The following PCDHGC3 variants were observed in gnomAD, a reference collection of about 807,000 sequenced individuals.
PCDHGC3 encodes the protein protocadherin gamma subfamily C, 3.
A neutral mutation model predicts 59.2 loss-of-function variants in PCDHGC3; 26 were observed. That is an observed-to-expected ratio of 0.44 (90% CI 0.32 to 0.61). The LOEUF (loss-of-function observed/expected upper bound fraction) is 0.61, where lower values mean the gene tolerates loss of function less well. Ranked by LOEUF, PCDHGC3 falls within the 20% of genes least tolerant of loss-of-function variation. The pLI, the probability that PCDHGC3 is intolerant of heterozygous loss-of-function variation, is 0.05. For synonymous variants in PCDHGC3, 487 were observed against 519.7 expected (o/e 0.94, Z 0.86); for missense variants, 1,080 against 1,221.8 (o/e 0.88, Z 1.73).
At position 141,486,392 on chromosome 5, in the gene PCDHGC3, C is replaced by T; in HGVS notation, c.2430+7846C>T. ...GTCTGCCTTCAGGAACCAGTTCTCC[C>T]TGGTGACTGCTGGACCCTTGGATCG... On this transcript the variant is annotated intron_variant, in intron 1 of 3. Coordinates refer to ENST00000308177, the MANE Select transcript of PCDHGC3 (RefSeq NM_002588.4). The surrounding 1 kb of genome is among the most constrained non-coding windows in gnomAD (Gnocchi z 5.0). 1 of 1,614,170 alleles carries T rather than the reference C, an allele frequency of 6.2e-7. No individual in the cohort carries two copies. Among genetic ancestry groups the T allele is most frequent in the Non-Finnish European group, 8.5e-7 (1 of 1,180,014 alleles).
rs756658304 is a variant in PCDHGC3, at chr5:141,485,531, G to C, written c.2430+6985G>C. 6.8e-6 allele frequency: 11 copies of C among 1,614,218 alleles called. No homozygotes were observed. In the Admixed American group the frequency reaches 1.5e-4, roughly 22 times the overall value. On this transcript the variant is annotated intron_variant, in intron 1 of 3. Transcript: ENST00000308177. This position sits in a 1 kb window ranked among gnomAD's most constrained non-coding sequence, Gnocchi z 5.7. ...AGGTCCTTTGGAAATGTACCGAGCA[G>C]AGGTAGAGATCGTAGATGTGAATGA... is the stretch of plus-strand genomic sequence containing the variant.
At chr5:141,506,053 T>C (rs1486313858) in intron 3 of PCDHGC3, among the ~76,000 whole-genome samples, 1 of 152,126 alleles carries the variant, frequency 6.6e-6, no homozygotes, top group Non-Finnish European at 1.5e-5. Context: ...TCCCATAAGG[T>C]TGACTAAGGG....
At chr5:141,499,828 A>G (rs921957227) in intron 2 of PCDHGC3, among the ~76,000 whole-genome samples, 1 of 151,834 alleles carries the variant, frequency 6.6e-6, no homozygotes, top group Non-Finnish European at 1.5e-5. Context: ...CTAGGATTAC[A>G]GGTGTGCACC....
intron 2 of PCDHGC3, among the ~76,000 whole-genome samples, chr5:141,499,940 G>A (rs1158937971): frequency 4.0e-5 from 6 of 151,722 alleles, no homozygotes; most frequent in Non-Finnish European, 8.8e-5. Flanking sequence ...CACCCTCCTC[G>A]GCCTCCCAAA....
Position 141,490,920 on chromosome 5 carries a change from T to A in PCDHGC3, c.2431-3887T>A. 1.2e-6 allele frequency: 2 copies of A among 1,613,638 alleles called. No homozygotes were observed. The highest frequency in any genetic ancestry group is 1.7e-6 in the Non-Finnish European group (2 of 1,179,684). The stretch of plus-strand genomic sequence containing the variant: ...TGTTTGTCCTAGACGAGAATGATAA[T>A]GCCCCAGCTGTGCTGCACCCACGGC... On this transcript the variant is annotated intron_variant, in intron 1 of 3. Coordinates refer to ENST00000308177, the MANE Select transcript of PCDHGC3 (RefSeq NM_002588.4). This position sits in a 1 kb window ranked among gnomAD's most constrained non-coding sequence, Gnocchi z 5.4.
Position 141,489,245 on chromosome 5 carries a change from G to A in PCDHGC3, c.2431-5562G>A, listed in dbSNP as rs773391205. 3 of 1,536,634 alleles carry A rather than the reference G, an allele frequency of 2.0e-6. No homozygotes were observed. The South Asian group carries it at 3.9e-5, about 20-fold the overall frequency. On this transcript the variant is annotated intron_variant, in intron 1 of 3. Transcript: ENST00000308177. The surrounding 1 kb of genome is among the most constrained non-coding windows in gnomAD (Gnocchi z 4.5). The stretch of plus-strand genomic sequence containing the variant: ...CCACAAAGGGACTTCTGGGTCATGG[G>A]GCCCAAGACACTCCCACAGCTCGCT...
At position 141,490,545 on chromosome 5, in the gene PCDHGC3, C is replaced by T; in HGVS notation, c.2431-4262C>T. 3 of 1,614,164 alleles carry T rather than the reference C, an allele frequency of 1.9e-6. No homozygotes were observed. The highest frequency in any genetic ancestry group is 2.5e-6 in the Non-Finnish European group (3 of 1,180,018). ...GCGATGCTGGTTCACCTTCCCTACA[C>T]AAACATCTCACCATCAGGCTCAACA... On this transcript the variant is annotated intron_variant, in intron 1 of 3. Coordinates refer to ENST00000308177, the MANE Select transcript of PCDHGC3 (RefSeq NM_002588.4). The surrounding 1 kb of genome is among the most constrained non-coding windows in gnomAD (Gnocchi z 5.4).
chr5:141,482,890 G>C (rs577635020), intron 1 of PCDHGC3, among the ~76,000 whole-genome samples: 10 of 152,274 alleles, frequency 6.6e-5, no homozygotes, highest in African/African-American at 2.4e-4. Flanking sequence ...TGGCCAACAT[G>C]GTGAAACCTC....
chr5:141,476,551 C>A lies in PCDHGC3; in HGVS notation c.435C>A (p.Ser145Arg), dbSNP rs367700651. 6.2e-7 allele frequency: 1 copy of A among 1,614,196 alleles called. No individual in the cohort carries two copies. The highest frequency in any genetic ancestry group is 1.7e-5 in the Admixed American group (1 of 60,028). ...CCCAGGAAATGAAATTGGAGATTAG[C>A]GAGGCCGTGGCTCCGGGGACGCGCT... ...FPTQEMKLEISEAVAPGTRFP... is the reference protein window; with the variant it reads ...FPTQEMKLEIREAVAPGTRFP... Residue 145 changes from serine (S) to arginine (R), a missense_variant, in exon 1 of 4, where the codon AGC becomes AGA. Physicochemically the swap from Ser to Arg is moderately radical, Grantham distance 110 (BLOSUM62 -1). Transcript: ENST00000308177. This position sits in a 1 kb window ranked among gnomAD's most constrained non-coding sequence, Gnocchi z 7.6.
At chr5:141,481,210 G>A (rs1351826116) in intron 1 of PCDHGC3, among the ~76,000 whole-genome samples, 2 of 152,128 alleles carry the variant, frequency 1.3e-5, no homozygotes, top group Admixed American at 1.3e-4. Context: ...TAAAAAACAT[G>A]GTAAGGTCTC....
chr5:141,509,825 C>A (rs1057042581), intron 3 of PCDHGC3, among the ~76,000 whole-genome samples: 18 of 152,222 alleles, frequency 1.2e-4, no homozygotes, highest in African/African-American at 1.2e-4. Context: ...TCTCCATCTT[C>A]TCTCTACCTC....
Position 141,485,943 on chromosome 5 carries a change from C to A in PCDHGC3, c.2430+7397C>A, listed in dbSNP as rs750871245. The A allele has an allele frequency of 1.9e-6, 3 of 1,614,126 alleles. No individual in the cohort carries two copies. Among genetic ancestry groups the A allele is most frequent in the Non-Finnish European group, 1.7e-6 (2 of 1,180,012 alleles). ...ATTAGTGTGTTGGAGAGCGCACCAG[C>A]GGGCATGGTGCTCATCCAGCTCAAT... is the stretch of plus-strand genomic sequence containing the variant. On this transcript the variant is annotated intron_variant, in intron 1 of 3. Coordinates refer to ENST00000308177, the MANE Select transcript of PCDHGC3 (RefSeq NM_002588.4). The surrounding 1 kb of genome is among the most constrained non-coding windows in gnomAD (Gnocchi z 5.7).
chr5:141,478,217 G>A lies in PCDHGC3; in HGVS notation c.2101G>A (p.Val701Ile). ...TTATCTACTTCTTTCTCTAATCCTG[G>A]TTTCTGTGGGGTTTGTGGTCACAGT... is the stretch of plus-strand genomic sequence containing the variant. Reference protein sequence around the residue: ...TFYLLLSLILVSVGFVVTVFG... With the variant: ...TFYLLLSLILISVGFVVTVFG... The change falls in exon 1 of 4, where the codon GTT becomes ATT. Residue 701 changes from valine (V) to isoleucine (I), a missense_variant. Transcript: ENST00000308177. The A allele has an allele frequency of 2.5e-6, 4 of 1,614,094 alleles. No individual in the cohort carries two copies.
chr5:141,481,436 T>C (rs775003998), intron 1 of PCDHGC3, among the ~76,000 whole-genome samples: 5 of 152,220 alleles, frequency 3.3e-5, no homozygotes, highest in South Asian at 2.1e-4. Flanking sequence ...ATTGTATCAG[T>C]TTAGTACATG....
Position 141,476,562 on chromosome 5 carries a change from C to G in PCDHGC3, c.446C>G (p.Ala149Gly). 1 of 1,614,218 alleles carries G rather than the reference C, an allele frequency of 6.2e-7. No individual in the cohort carries two copies. The highest frequency in any genetic ancestry group is 1.1e-5 in the South Asian group (1 of 91,088). The change falls in exon 1 of 4, where the codon GCT becomes GGT. Residue 149 changes from alanine (A) to glycine (G), a missense_variant. Transcript: ENST00000308177. This position sits in a 1 kb window ranked among gnomAD's most constrained non-coding sequence, Gnocchi z 7.6. The stretch of plus-strand genomic sequence containing the variant: ...AAATTGGAGATTAGCGAGGCCGTGG[C>G]TCCGGGGACGCGCTTTCCGCTCGAG... ...EMKLEISEAVAPGTRFPLESA... is the reference protein window; with the variant it reads ...EMKLEISEAVGPGTRFPLESA...
Position 141,486,276 on chromosome 5 carries a change from T to C in PCDHGC3, c.2430+7730T>C. The C allele has an allele frequency of 1.2e-6, 2 of 1,613,980 alleles. No homozygotes were observed. The highest frequency in any genetic ancestry group is 1.7e-6 in the Non-Finnish European group (2 of 1,179,974). On this transcript the variant is annotated intron_variant, in intron 1 of 3. Coordinates refer to ENST00000308177, the MANE Select transcript of PCDHGC3 (RefSeq NM_002588.4). The surrounding 1 kb of genome is among the most constrained non-coding windows in gnomAD (Gnocchi z 5.0). ...CCCGAGAGTGCAGAACCTGGCACTG[T>C]GGTGGCACTTATCAGTGTGCAGGAT...
In PCDHGC3 at chr5:141,491,623, G is replaced by C; in HGVS notation, c.2431-3184G>C. On this transcript the variant is annotated intron_variant, in intron 1 of 3. Coordinates refer to ENST00000308177, the MANE Select transcript of PCDHGC3 (RefSeq NM_002588.4). The surrounding 1 kb of genome is among the most constrained non-coding windows in gnomAD (Gnocchi z 6.9). ...CTTCACTTTTCTAAGACCCCTCAGC[G>C]TTCAGCAGCCCACAGCTCTGGCGCT... 1 of 1,613,930 alleles carries C rather than the reference G, an allele frequency of 6.2e-7. No individual in the cohort carries two copies. Among genetic ancestry groups the C allele is most frequent in the Non-Finnish European group, 8.5e-7 (1 of 1,180,020 alleles).
Position 141,511,256 on chromosome 5 carries a change from TTCAGGGC to T in PCDHGC3, c.*85_*91del. 6.4e-7 allele frequency: 1 copy of T among 1,563,506 alleles called. No individual in the cohort carries two copies. Among genetic ancestry groups the T allele is most frequent in the Non-Finnish European group, 8.7e-7 (1 of 1,154,422 alleles). The stretch of plus-strand genomic sequence containing the variant: ...CTTACCTGCACCCAGGCCTCAGAGT[TTCAGGGC>T]TAACCCCCAGAATACTGGTAGGGGC... On this transcript the variant is annotated 3_prime_UTR_variant, in exon 4 of 4. Coordinates refer to ENST00000308177, the MANE Select transcript of PCDHGC3 (RefSeq NM_002588.4).
rs761227475 is a variant in PCDHGC3 at position 141,489,382 on chromosome 5, G to A, written c.2431-5425G>A. 4 of 1,613,872 alleles carry A rather than the reference G, an allele frequency of 2.5e-6. No homozygotes were observed. The highest frequency in any genetic ancestry group is 1.7e-5 in the Admixed American group (1 of 60,006). On this transcript the variant is annotated intron_variant, in intron 1 of 3. Coordinates refer to ENST00000308177, the MANE Select transcript of PCDHGC3 (RefSeq NM_002588.4). The surrounding 1 kb of genome is among the most constrained non-coding windows in gnomAD (Gnocchi z 4.5). ...TGAGCCGGGGACGCTGGTGGGGAATGTTGCTCAGGATCTGGGCTTAAAGAT... is the reference window on the plus strand; with the variant it reads ...TGAGCCGGGGACGCTGGTGGGGAATATTGCTCAGGATCTGGGCTTAAAGAT...
Sources: gnomAD v4.1 joint callset for allele counts (sites outside exome capture counted in the v4.1 genomes callset) on GRCh38, gnomAD v4.1.1 for gene constraint, Gnocchi (gnomAD v3.1) non-coding constraint, MANE v1.5 for transcripts, NCBI Gene and HGNC (gene_info 2026-07-23, HGNC 2026-07-21) for gene names.